Variants in LAMB1 observed in about 807,000 individuals in gnomAD.
The protein encoded by LAMB1 is laminin subunit beta-1.
A neutral mutation model predicts 222.3 loss-of-function variants in LAMB1; 121 were observed. That is an observed-to-expected ratio of 0.54 (90% confidence interval 0.47 to 0.63). The LOEUF (loss-of-function observed/expected upper bound fraction) is 0.63. Ranked by LOEUF, LAMB1 falls within the 30% of genes least tolerant of loss-of-function variation. The probability of loss-of-function intolerance (pLI) is 0.00; values close to 1 mark genes in which losing one functional copy is unlikely to be tolerated. For missense variants in LAMB1, 2,172 were observed against 2,240.8 expected (o/e 0.97, Z 0.62); for synonymous variants, 794 against 807.2 (o/e 0.98, Z 0.28).
intron 24 of LAMB1, among the ~76,000 whole-genome samples, chr7:107,946,193 C>A (rs912137755): frequency 1.3e-5 from 2 of 152,170 alleles, no homozygotes; most frequent in Non-Finnish European, 2.9e-5. Flanking sequence ...GCTGCAATGC[C>A]AAGAATTTTA....
At chr7:107,941,119 A>G (rs1357112159) in intron 24 of LAMB1, among the ~76,000 whole-genome samples, 1 of 152,176 alleles carries the variant, frequency 6.6e-6, no homozygotes, top group Non-Finnish European at 1.5e-5. Flanking sequence ...CACAGGCCCA[A>G]TAGGGTTGGC....
chr7:107,940,803 A>C (rs2032963478), intron 24 of LAMB1, among the ~76,000 whole-genome samples: 1 of 152,090 alleles, frequency 6.6e-6, no homozygotes. Context: ...CCTCCCCCTT[A>C]CTTAGGATTT....
chr7:107,955,696 G>T (rs957309616), intron 20 of LAMB1, 66 bp from the exon 21 acceptor site: 1 of 1,464,072 alleles, frequency 6.8e-7, no homozygotes, highest in Non-Finnish European at 9.2e-7. Flanking sequence ...TCCAAGGAAA[G>T]TCTTGAAAAC....
chr7:107,989,996 A>G (rs2034150166), intron 5 of LAMB1, among the ~76,000 whole-genome samples: 1 of 151,578 alleles, frequency 6.6e-6, no homozygotes, highest in Admixed American at 6.6e-5. Context: ...CTCCAAATTT[A>G]TAATAAACAA....
At chr7:107,928,971 G>A in intron 31 of LAMB1, 93 bp downstream of exon 31, 4 of 1,210,948 alleles carry the variant, frequency 3.3e-6, no homozygotes, top group Non-Finnish European at 4.8e-6. Context: ...ATGTTGAGTT[G>A]TAAGAATTTC....
At chr7:107,967,481 G>T (rs1361080127) in intron 13 of LAMB1, among the ~76,000 whole-genome samples, 1 of 152,146 alleles carries the variant, frequency 6.6e-6, no homozygotes, top group African/African-American at 2.4e-5. Flanking sequence ...TGTTTCTTAT[G>T]ATATCAAGCC....
chr7:107,997,011 C>G (rs1410730465), intron 4 of LAMB1, among the ~76,000 whole-genome samples: 1 of 152,218 alleles, frequency 6.6e-6, no homozygotes, highest in African/African-American at 2.4e-5. Flanking sequence ...ATGAACATGG[C>G]TCTAAATGAT....
At position 107,959,361 on chromosome 7, in the gene LAMB1, C is replaced by G. The variant is rs35710474; in HGVS notation, c.2578G>C (p.Gly860Arg). The G allele has an allele frequency of 6.2e-7, 1 of 1,614,100 alleles. No individual in the cohort carries two copies. The highest frequency in any genetic ancestry group is 8.5e-7 in the Non-Finnish European group (1 of 1,180,044). ...TGGCAGGGCTGGCAACTTGGAAAGCCCCAGTGCCCAGGTAAGCACCGATCA... is the reference window on the plus strand; with the variant it reads ...TGGCAGGGCTGGCAACTTGGAAAGCGCCAGTGCCCAGGTAAGCACCGATCA... ...QCDRCLPGHW[G>R]FPSCQPCQCN... is the part of the protein sequence containing the mutation. Residue 860 changes from glycine (G) to arginine (R), a missense_variant, in exon 20 of 34, where the codon GGC (glycine) becomes CGC (arginine). Gly to Arg is a moderately radical substitution (Grantham distance 125). Coordinates refer to ENST00000222399, the MANE Select transcript of LAMB1 (RefSeq NM_002291.3).
At position 107,929,047 on chromosome 7, in the gene LAMB1, T is replaced by C. The variant is rs1355294823; in HGVS notation, c.4887+17A>G. The stretch of plus-strand genomic sequence containing the variant: ...TGTAGGTGTGTTCCCATTCATGTAA[T>C]GATTGTGTATGCCTACCGAAGTTAA... On this transcript the variant is annotated intron_variant, in intron 31 of 33. Transcript: ENST00000222399. 4 of 1,611,868 alleles carry C rather than the reference T, an allele frequency of 2.5e-6. No homozygotes were observed. The highest frequency in any genetic ancestry group is 2.5e-6 in the Non-Finnish European group (3 of 1,178,428).
At chr7:107,971,257 T>G (rs771658988) in intron 13 of LAMB1, among the ~76,000 whole-genome samples, 93 of 152,284 alleles carry the variant, frequency 6.1e-4, no homozygotes, top group Non-Finnish European at 1.1e-3. Flanking sequence ...ACATATCTAG[T>G]TTTTAACATC....
chr7:108,001,658 G>A lies in LAMB1; in HGVS notation c.113C>T (p.Ala38Val). 4.3e-6 allele frequency: 7 copies of A among 1,612,794 alleles called. No homozygotes were observed. The highest frequency in any genetic ancestry group is 5.1e-6 in the Non-Finnish European group (6 of 1,179,842). The change falls in exon 3 of 34, where the codon GCC becomes GTC. Residue 38 changes from alanine to valine, a missense_variant. Physicochemically the swap from Ala to Val is moderately conservative, Grantham distance 64. Transcript: ENST00000222399. ...YGCAEGSCYP[A>V]TGDLLIGRAQ... Reference sequence around the variant, plus strand: ...TCGGCCGATGAGAAGGTCGCCCGTGGCGGGATAGCAGCTGCCTTCTGCGCA... The same window carrying A: ...TCGGCCGATGAGAAGGTCGCCCGTGACGGGATAGCAGCTGCCTTCTGCGCA...
intron 24 of LAMB1, among the ~76,000 whole-genome samples, chr7:107,949,101 C>T (rs528079073): frequency 7.9e-5 from 12 of 152,248 alleles, no homozygotes; most frequent in African/African-American, 2.4e-4. Flanking sequence ...AAGAAGTTGG[C>T]GAACAATGAT....
chr7:107,932,338 C>G lies in LAMB1; in HGVS notation c.4228G>C (p.Glu1410Gln). The G allele has an allele frequency of 6.2e-7, 1 of 1,614,234 alleles. No homozygotes were observed. Among genetic ancestry groups the G allele is most frequent in the South Asian group, 1.1e-5 (1 of 91,086 alleles). ...GTTCTGCAGTTTGGCCCGCCACATT[C>G]AGTCTCGGAACAGGAGGCCCCTGGG... ...TPPGASCSET[E>Q]CGGPNCRTDE... The change falls in exon 28 of 34, where the codon GAA becomes CAA. Residue 1410 changes from glutamate to glutamine, a missense_variant. By Grantham distance (29) the Glu-to-Gln change is conservative (BLOSUM62 2). Coordinates refer to ENST00000222399, the MANE Select transcript of LAMB1 (RefSeq NM_002291.3).
At chr7:107,968,467 T>C (rs367543648) in intron 13 of LAMB1, among the ~76,000 whole-genome samples, 2 of 152,288 alleles carry the variant, frequency 1.3e-5, no homozygotes, top group South Asian at 2.1e-4. Flanking sequence ...AAAAGGAACT[T>C]TGCAGATGTG....
chr7:107,970,504 A>AC, intron 13 of LAMB1, among the ~76,000 whole-genome samples: 1 of 125,284 alleles, frequency 8.0e-6, no homozygotes, highest in African/African-American at 3.1e-5. Flanking sequence ...AAAAAAAAAA[A>AC]AGGGGGGGGT....
chr7:108,001,300 T>C (rs1584547790), intron 3 of LAMB1, among the ~76,000 whole-genome samples: 1 of 152,234 alleles, frequency 6.6e-6, no homozygotes, highest in African/African-American at 2.4e-5. Context: ...TTTTGGAGGC[T>C]CTGGGTCAGG....
At chr7:107,951,404 G>C (rs1008719216) in intron 23 of LAMB1, 82 bp from the exon 24 acceptor site, 8 of 1,255,920 alleles carry the variant, frequency 6.4e-6, no homozygotes, top group Admixed American at 3.7e-5. Context: ...CTGCCACTTA[G>C]AAGTAGGAAT....
At chr7:108,002,012 C>T in intron 2 of LAMB1, 1 of 1,445,548 alleles carries the variant, frequency 6.9e-7, no homozygotes, top group Non-Finnish European at 9.1e-7. Flanking sequence ...CGCTCGCGCC[C>T]ACCCTGATCA....
intron 3 of LAMB1, 31 bp downstream of exon 3, chr7:108,001,527 C>A: frequency 6.4e-7 from 1 of 1,553,474 alleles, no homozygotes; most frequent in Admixed American, 1.8e-5. Context: ...GAGGCGCTAG[C>A]AGAGCCTCGA....
Sources: allele counts gnomAD v4.1 joint callset (sites outside exome capture counted in the v4.1 genomes callset), GRCh38; gene constraint gnomAD v4.1.1; transcripts MANE v1.5; gene names NCBI Gene and HGNC (gene_info 2026-07-23, HGNC 2026-07-21).